Variants in PAMR1 observed in about 807,000 individuals in gnomAD.
The protein encoded by PAMR1 is inactive serine protease PAMR1.
PAMR1 carries 88 observed loss-of-function variants against 81.8 expected under a neutral mutation model. That is an observed-to-expected ratio of 1.08 (90% CI 0.91 to 1.28). PAMR1 has a LOEUF of 1.28. Among genes scored for constraint, PAMR1 ranks in the 50% most tolerant of loss-of-function variants. The probability of loss-of-function intolerance (pLI) is 0.00; values close to 1 mark genes in which losing one functional copy is unlikely to be tolerated. For synonymous variants in PAMR1, 336 were observed against 345.3 expected (o/e 0.97, Z 0.30); for missense variants, 935 against 919.7 (o/e 1.02, Z -0.21).
chr11:35,456,031 TCA>T (rs1443986528), intron 6 of PAMR1, among the ~76,000 whole-genome samples: 4 of 152,202 alleles, frequency 2.6e-5, no homozygotes, highest in African/African-American at 9.7e-5. Flanking sequence ...TGAAGGGATG[TCA>T]CTGCAGGAAA....
At chr11:35,497,633 T>C (rs1850751481) in intron 1 of PAMR1, among the ~76,000 whole-genome samples, 1 of 152,188 alleles carries the variant, frequency 6.6e-6, no homozygotes, top group Non-Finnish European at 1.5e-5. Context: ...ACCCCTTAGC[T>C]CTCCCTTCAT....
chr11:35,498,768 C>T (rs921065399), intron 1 of PAMR1, among the ~76,000 whole-genome samples: 10 of 152,144 alleles, frequency 6.6e-5, no homozygotes, highest in African/African-American at 2.4e-4. Context: ...CCTTGGGACT[C>T]CACATTTGCT....
At chr11:35,449,613 C>A (rs968676465) in intron 6 of PAMR1, among the ~76,000 whole-genome samples, 3 of 152,222 alleles carry the variant, frequency 2.0e-5, no homozygotes, top group African/African-American at 7.2e-5. Context: ...TGGCTGCCTC[C>A]CCTCCCCCTG....
At chr11:35,470,274 C>T (rs1469333698) in intron 5 of PAMR1, among the ~76,000 whole-genome samples, 4 of 152,206 alleles carry the variant, frequency 2.6e-5, no homozygotes, top group Non-Finnish European at 5.9e-5. Flanking sequence ...CATGAGAGGT[C>T]ACCCTGTGTG....
At chr11:35,525,145 G>A (rs910264517) in intron 1 of PAMR1, among the ~76,000 whole-genome samples, 6 of 152,168 alleles carry the variant, frequency 3.9e-5, no homozygotes, top group African/African-American at 1.2e-4. Flanking sequence ...CTTTCCAAGA[G>A]AAACTTCGCT....
At position 35,468,013 on chromosome 11, in the gene PAMR1, G is replaced by A. The variant is rs529579135; in HGVS notation, c.808C>T (p.Arg270Cys). 87 of 1,557,166 alleles carry A rather than the reference G, an allele frequency of 5.6e-5. No individual in the cohort carries two copies. Among genetic ancestry groups the A allele is most frequent in the Admixed American group, 3.3e-4 (17 of 52,150 alleles). Residue 270 changes from arginine to cysteine, a missense_variant, in exon 6 of 11, where the codon CGC (arginine) becomes TGC (cysteine). Arg to Cys is a radical substitution (Grantham distance 180, BLOSUM62 -3). Transcript: ENST00000619888. ...CACLAGYTGQRCENLLEERNC... is the reference protein window; with the variant it reads ...CACLAGYTGQCCENLLEERNC... ...GAAGCATACTCACGATTTTCACAGC[G>A]CTGCCCAGTATAGCCTGCCAAGCAG...
intron 3 of PAMR1, among the ~76,000 whole-genome samples, chr11:35,488,363 C>A (rs967515320): frequency 3.9e-5 from 6 of 151,900 alleles, no homozygotes; most frequent in Non-Finnish European, 7.4e-5. Context: ...GAACTACAGG[C>A]ATGCACCACC....
chr11:35,520,915 C>T (rs1158877751), intron 1 of PAMR1, among the ~76,000 whole-genome samples: 1 of 152,174 alleles, frequency 6.6e-6, no homozygotes, highest in Non-Finnish European at 1.5e-5. Context: ...ATTATGTTGG[C>T]CATTTCTGTC....
At chr11:35,479,140 C>T (rs899060352) in intron 3 of PAMR1, among the ~76,000 whole-genome samples, 1 of 152,200 alleles carries the variant, frequency 6.6e-6, no homozygotes, top group African/African-American at 2.4e-5. Context: ...GAGACACACA[C>T]ACTTCTAAGA....
intron 3 of PAMR1, among the ~76,000 whole-genome samples, chr11:35,478,725 A>G (rs1565344459): frequency 6.6e-6 from 1 of 152,178 alleles, no homozygotes; most frequent in Non-Finnish European, 1.5e-5. Flanking sequence ...TGGCCAACCT[A>G]GCAGGTGGTC....
chr11:35,522,368 TG>T (rs1851301921), intron 1 of PAMR1, among the ~76,000 whole-genome samples: 1 of 152,200 alleles, frequency 6.6e-6, no homozygotes, highest in South Asian at 2.1e-4. Context: ...CATCTTCTCC[TG>T]GGCCCTGGCA....
upstream of PAMR1, chr11:35,526,022 G>T: frequency 5.2e-6 from 1 of 193,228 alleles, no homozygotes; most frequent in Non-Finnish European, 1.1e-5. Context: ...ACGGGAGCTG[G>T]CTTTGCCCTC....
chr11:35,474,968 G>A lies in PAMR1; in HGVS notation c.380-224C>T, dbSNP rs141156931. On this transcript the variant is annotated intron_variant, in intron 3 of 10. Coordinates refer to ENST00000619888, the MANE Select transcript of PAMR1 (RefSeq NM_001001991.3). ...CCAACAGCTTGGGAAGGGAAGTGGT[G>A]TCCTCACAATTTTCCAGCTGGGAAA... Among the ~76,000 whole-genome samples, 26 of 152,326 alleles carry A rather than the reference G, an allele frequency of 1.7e-4. No individual in the cohort carries two copies. The East Asian group carries it at 5.0e-3, about 29-fold the overall frequency.
intron 6 of PAMR1, among the ~76,000 whole-genome samples, chr11:35,448,972 T>C (rs1233896247): frequency 2.6e-5 from 4 of 152,198 alleles, no homozygotes; most frequent in Non-Finnish European, 4.4e-5. Flanking sequence ...ATATCACCAG[T>C]GGAGGCTGCA....
At chr11:35,448,980 G>A (rs1270966686) in intron 6 of PAMR1, among the ~76,000 whole-genome samples, 1 of 152,202 alleles carries the variant, frequency 6.6e-6, no homozygotes, top group East Asian at 1.9e-4. Context: ...AGTGGAGGCT[G>A]CAGCAAAGCA....
chr11:35,511,557 C>T (rs911521464), intron 1 of PAMR1, among the ~76,000 whole-genome samples: 3 of 152,316 alleles, frequency 2.0e-5, no homozygotes, highest in South Asian at 2.1e-4. Flanking sequence ...TAAAACCTAC[C>T]TTTGAGTCCA....
chr11:35,487,142 A>G (rs938692638), intron 3 of PAMR1, among the ~76,000 whole-genome samples: 1 of 151,850 alleles, frequency 6.6e-6, no homozygotes, highest in African/African-American at 2.4e-5. Flanking sequence ...AGTTGAAATC[A>G]GTGGAATGCC....
At position 35,432,532 on chromosome 11, in the gene PAMR1, C is replaced by A; in HGVS notation, c.1987G>T (p.Ala663Ser). The change falls in exon 11 of 11, where the codon GCA (alanine) becomes TCA (serine). Residue 663 changes from alanine to serine, a missense_variant. Ala to Ser is a moderately conservative substitution (Grantham distance 99). Transcript: ENST00000619888. ...ACAGCCGCGATGCCTCCTGTCTCTG[C>A]AGTGCAGATATCAGAAGGGGCAGTG... ...EPTAPSDICT[A>S]ETGGIAAVSF... 6.2e-7 allele frequency: 1 copy of A among 1,614,254 alleles called. No homozygotes were observed. Among genetic ancestry groups the A allele is most frequent in the Non-Finnish European group, 8.5e-7 (1 of 1,180,048 alleles).
Position 35,474,670 on chromosome 11 carries a change from A to T in PAMR1, c.454T>A (p.Trp152Arg). ...ESYPLNAHCEWTIHAKPGFVI... is the reference protein window; with the variant it reads ...ESYPLNAHCERTIHAKPGFVI... ...AACCCAGGTTTAGCATGAATGGTCCATTCACAGTGAGCATTTAGGGGATAG... is the reference window on the plus strand; with the variant it reads ...AACCCAGGTTTAGCATGAATGGTCCTTTCACAGTGAGCATTTAGGGGATAG... Residue 152 changes from tryptophan to arginine, a missense_variant, in exon 4 of 11, where the codon TGG (tryptophan) becomes AGG (arginine). Trp to Arg is a moderately radical substitution (Grantham distance 101). Coordinates refer to ENST00000619888, the MANE Select transcript of PAMR1 (RefSeq NM_001001991.3). 6.2e-7 allele frequency: 1 copy of T among 1,610,652 alleles called. No individual in the cohort carries two copies. The highest frequency in any genetic ancestry group is 8.5e-7 in the Non-Finnish European group (1 of 1,178,538).
Sources: allele counts gnomAD v4.1 joint callset (sites outside exome capture counted in the v4.1 genomes callset), GRCh38; gene constraint gnomAD v4.1.1; transcripts MANE v1.5; gene names NCBI Gene and HGNC (gene_info 2026-07-23, HGNC 2026-07-21).